The following GRK5 variants were observed in gnomAD, a reference collection of about 807,000 sequenced individuals.
GRK5 encodes g protein-coupled receptor kinase GRK5.
Under a neutral mutation model 78.4 loss-of-function variants are expected in GRK5, and 40 were observed. The observed-to-expected ratio is 0.51, with a 90% CI of 0.40 to 0.66. The LOEUF is 0.66. Among genes scored for constraint, GRK5 ranks in the 30% least tolerant of loss-of-function variants. GRK5 has a pLI of 0.00. For missense variants in GRK5, 598 were observed against 759.9 expected (o/e 0.79, Z 2.50); for synonymous variants, 289 against 296.8 (o/e 0.97, Z 0.27).
At chr10:119,260,372 CTTTT>C (rs56407821) in intron 1 of GRK5, among the ~76,000 whole-genome samples, 2 of 101,450 alleles carry the variant, frequency 2.0e-5, no homozygotes, top group Non-Finnish European at 3.8e-5. Flanking sequence ...TAACCGTCTG[CTTTT>C]TTTTTTTTTT....
rs139813007 is a variant in GRK5 at position 119,218,352 on chromosome 10, T to C, written c.52+10383T>C. ...GGGGTAGGAGATAGAATTACCCAAC[T>C]GCTGGATGGAGAGAACCCAGCCAAT... On this transcript the variant is annotated intron_variant, in intron 1 of 15. Transcript: ENST00000392870. Among the ~76,000 whole-genome samples the C allele has an allele frequency of 3.1e-3, 476 of 152,272 alleles. 3 individuals are homozygous for C. Among genetic ancestry groups the C allele is most frequent in the South Asian group, 0.017 (84 of 4,824 alleles).
intron 10 of GRK5, 90 bp from the exon 11 acceptor site, chr10:119,441,909 G>C (rs1466900887): frequency 7.2e-6 from 7 of 969,576 alleles, no homozygotes; most frequent in Non-Finnish European, 1.2e-5. Flanking sequence ...AGAATGCCGA[G>C]AGCTCGTATG....
intron 1 of GRK5, among the ~76,000 whole-genome samples, chr10:119,289,239 C>G (rs544667774): frequency 6.6e-6 from 1 of 152,082 alleles, no homozygotes; most frequent in African/African-American, 2.4e-5. Context: ...CTCTGTGGCC[C>G]CTGCTCAAAC....
chr10:119,308,719 C>T lies in GRK5; in HGVS notation c.53-17797C>T, dbSNP rs1192442982. Among the ~76,000 whole-genome samples the T allele has an allele frequency of 2.0e-5, 3 of 152,248 alleles. No individual in the cohort carries two copies. In the South Asian group the frequency reaches 6.2e-4, roughly 31 times the overall value. Reference sequence around the variant, plus strand: ...GGATTAGAGACAATGGCTGCACAGGCACTGTGGCTGCCATGCTCAGGCCTG... The same window carrying T: ...GGATTAGAGACAATGGCTGCACAGGTACTGTGGCTGCCATGCTCAGGCCTG... On this transcript the variant is annotated intron_variant, in intron 1 of 15. Coordinates refer to ENST00000392870, the MANE Select transcript of GRK5 (RefSeq NM_005308.3).
intron 10 of GRK5, among the ~76,000 whole-genome samples, chr10:119,441,138 C>T (rs913288735): frequency 2.6e-5 from 4 of 152,236 alleles, no homozygotes; most frequent in Admixed American, 2.6e-4. Flanking sequence ...AGGCCTGCCG[C>T]CCCTCTCTGG....
intron 4 of GRK5, among the ~76,000 whole-genome samples, chr10:119,415,858 TCA>T (rs951369773): frequency 5.3e-5 from 8 of 152,182 alleles, no homozygotes; most frequent in African/African-American, 1.9e-4. Context: ...ACCCCTTCTC[TCA>T]GTTTCCCCAT....
intron 1 of GRK5, among the ~76,000 whole-genome samples, chr10:119,257,381 A>T (rs1234497182): frequency 2.0e-5 from 3 of 152,192 alleles, no homozygotes. Flanking sequence ...GGCACGCCTC[A>T]GTGAGGGTGG....
chr10:119,399,815 C>A (rs1179285336), intron 4 of GRK5, among the ~76,000 whole-genome samples: 1 of 152,234 alleles, frequency 6.6e-6, no homozygotes, highest in East Asian at 1.9e-4. Flanking sequence ...CACGCCCACA[C>A]CTCCTTCTGC....
intron 1 of GRK5, among the ~76,000 whole-genome samples, chr10:119,225,199 C>T (rs943588632): frequency 6.6e-6 from 1 of 152,126 alleles, no homozygotes; most frequent in Non-Finnish European, 1.5e-5. Context: ...TAGTAGATTA[C>T]AGAAAGGAAG....
intron 1 of GRK5, among the ~76,000 whole-genome samples, chr10:119,276,755 G>A (rs149111687): frequency 2.1e-3 from 315 of 152,318 alleles, no homozygotes; most frequent in African/African-American, 7.3e-3. Flanking sequence ...ACACAGCTGG[G>A]AGGGTAAGGT....
chr10:119,208,076 G>A (rs1483406142), intron 1 of GRK5, 107 bp downstream of exon 1: 5 of 1,033,138 alleles, frequency 4.8e-6, no homozygotes, highest in South Asian at 1.6e-5. Flanking sequence ...GCCCGCTGCC[G>A]GCGAGTGGGT....
At chr10:119,313,281 G>GTGGTGGTAATGGTGGTGATGAT (rs1850428050) in intron 1 of GRK5, among the ~76,000 whole-genome samples, 1 of 150,298 alleles carries the variant, frequency 6.7e-6, no homozygotes, top group Non-Finnish European at 1.5e-5. Flanking sequence ...AGTGGTGATG[G>GTGGTGGTAATGGTGGTGATGAT]GGATGGTGGT....
chr10:119,343,420 G>A (rs1439799615), intron 2 of GRK5, among the ~76,000 whole-genome samples: 1 of 152,222 alleles, frequency 6.6e-6, no homozygotes, highest in Non-Finnish European at 1.5e-5. Flanking sequence ...TGTGGGGCAG[G>A]TGCTGCCTTC....
chr10:119,397,788 A>C (rs527807036), intron 4 of GRK5, among the ~76,000 whole-genome samples: 1 of 152,242 alleles, frequency 6.6e-6, no homozygotes, highest in Non-Finnish European at 1.5e-5. Context: ...TTGCCCTTGC[A>C]GGGTGAGACC....
intron 1 of GRK5, among the ~76,000 whole-genome samples, chr10:119,219,119 C>T (rs918931039): frequency 6.6e-6 from 1 of 152,134 alleles, no homozygotes; most frequent in East Asian, 1.9e-4. Context: ...GATCTCCTGA[C>T]CTCGTGATCC....
At chr10:119,249,169 GC>G (rs1849158437) in intron 1 of GRK5, among the ~76,000 whole-genome samples, 1 of 151,962 alleles carries the variant, frequency 6.6e-6, no homozygotes, top group South Asian at 2.1e-4. Flanking sequence ...TACTCAGGAG[GC>G]TGAGACAGGA....
intron 1 of GRK5, among the ~76,000 whole-genome samples, chr10:119,290,698 C>T (rs1849940860): frequency 6.6e-6 from 1 of 151,932 alleles, no homozygotes; most frequent in Admixed American, 6.6e-5. Context: ...ACCTACTTGT[C>T]CTTCCGAGTC....
At chr10:119,396,842 C>A in intron 4 of GRK5, 70 bp downstream of exon 4, 2 of 1,167,782 alleles carry the variant, frequency 1.7e-6, no homozygotes, top group South Asian at 1.2e-5. Flanking sequence ...GCCCCTAAGT[C>A]TGTGCCAGGC....
At chr10:119,325,240 A>C (rs1295051783) in intron 1 of GRK5, among the ~76,000 whole-genome samples, 2 of 152,210 alleles carry the variant, frequency 1.3e-5, no homozygotes, top group Non-Finnish European at 2.9e-5. Flanking sequence ...TTTGGGAGGA[A>C]GGCCTTACTG....
Sources: allele counts gnomAD v4.1 joint callset (sites outside exome capture counted in the v4.1 genomes callset), GRCh38; gene constraint gnomAD v4.1.1; transcripts MANE v1.5; gene names NCBI Gene and HGNC (gene_info 2026-07-23, HGNC 2026-07-21).